The following TMEM248 variants were observed in gnomAD, a reference collection of about 807,000 sequenced individuals.
The protein encoded by TMEM248 is transmembrane protein 248.
A neutral mutation model predicts 30.3 loss-of-function variants in TMEM248; 9 were observed. The observed-to-expected ratio is 0.30, with a 90% CI of 0.18 to 0.52. The LOEUF (loss-of-function observed/expected upper bound fraction) is 0.52, where lower values mean the gene tolerates loss of function less well. TMEM248 is among the 20% of genes least tolerant of loss of function. The probability of loss-of-function intolerance (pLI) is 0.97; values close to 1 mark genes in which losing one functional copy is unlikely to be tolerated. For synonymous variants in TMEM248, 184 were observed against 154.4 expected (o/e 1.19, Z -1.42); for missense variants, 338 against 403.3 (o/e 0.84, Z 1.39).
At chr7:66,929,887 G>A (rs1465359306) in intron 1 of TMEM248, among the ~76,000 whole-genome samples, 6 of 152,134 alleles carry the variant, frequency 3.9e-5, no homozygotes, top group East Asian at 3.9e-4. Context: ...GGAGCTGGGC[G>A]CAGTGGCTCA....
intron 2 of TMEM248, among the ~76,000 whole-genome samples, chr7:66,942,692 C>T (rs1193539872): frequency 1.3e-5 from 2 of 152,032 alleles, no homozygotes; most frequent in Admixed American, 6.6e-5. Context: ...GACGGGGTTT[C>T]GCCACGTTGG....
At chr7:66,938,120 C>T (rs1304878805) in intron 1 of TMEM248, among the ~76,000 whole-genome samples, 4 of 152,020 alleles carry the variant, frequency 2.6e-5, no homozygotes, top group African/African-American at 7.2e-5. Context: ...TTCATTCAGC[C>T]ACTGTGTCTT....
At chr7:66,947,364 G>A (rs1177331710) in intron 3 of TMEM248, among the ~76,000 whole-genome samples, 1 of 152,042 alleles carries the variant, frequency 6.6e-6, no homozygotes, top group East Asian at 1.9e-4. Flanking sequence ...GTAGCAAGTG[G>A]ACCTGTTGCT....
chr7:66,945,132 G>A lies in TMEM248; in HGVS notation c.316G>A (p.Asp106Asn), dbSNP rs749958022. The A allele has an allele frequency of 6.2e-7, 1 of 1,614,216 alleles. No homozygotes were observed. Among genetic ancestry groups the A allele is most frequent in the Non-Finnish European group, 8.5e-7 (1 of 1,180,042 alleles). Reference sequence around the variant, plus strand: ...CACCCAGTCCCCCCAGGCCCTGGAGGACTCGGGCCCGGTGAATATCTCAGT... The same window carrying A: ...CACCCAGTCCCCCCAGGCCCTGGAGAACTCGGGCCCGGTGAATATCTCAGT... ...ASTQSPQALE[D>N]SGPVNISVSI... is the part of the protein sequence containing the mutation. The change falls in exon 3 of 7, where the codon GAC becomes AAC. Residue 106 changes from aspartate to asparagine, a missense_variant. Transcript: ENST00000341567.
At chr7:66,942,122 C>G in intron 2 of TMEM248, 98 bp downstream of exon 2, 4 of 1,307,852 alleles carry the variant, frequency 3.1e-6, no homozygotes, top group Non-Finnish European at 4.2e-6. Flanking sequence ...TTTGGCCTTT[C>G]TCTCCTAGTG....
At chr7:66,948,410 C>G in intron 3 of TMEM248, 134 bp from the exon 4 acceptor site, 1 of 1,082,992 alleles carries the variant, frequency 9.2e-7, no homozygotes, top group Non-Finnish European at 1.3e-6. Flanking sequence ...TCTTCTTCCT[C>G]AGATCCCACA....
At chr7:66,938,632 C>T (rs1233939203) in intron 1 of TMEM248, among the ~76,000 whole-genome samples, 2 of 152,196 alleles carry the variant, frequency 1.3e-5, no homozygotes, top group African/African-American at 4.8e-5. Context: ...TTCAGCCTCC[C>T]AACTAGCTGG....
chr7:66,940,837 C>T (rs959236670), intron 1 of TMEM248, among the ~76,000 whole-genome samples: 4 of 152,208 alleles, frequency 2.6e-5, no homozygotes, highest in African/African-American at 7.2e-5. Context: ...TTTTCAGTGG[C>T]AGGAAATGAG....
In TMEM248 at chr7:66,950,989, G is replaced by A. The variant is rs555146247; in HGVS notation, c.634G>A (p.Ala212Thr). ...CTGTGTTCCTGACACGTACAGCAACGCCACGCTCTGGTACAAGATCTTCAC... is the reference window on the plus strand; with the variant it reads ...CTGTGTTCCTGACACGTACAGCAACACCACGCTCTGGTACAAGATCTTCAC... ...PHCVPDTYSN[A>T]TLWYKIFTTA... The change falls in exon 5 of 7, where the codon GCC becomes ACC. Residue 212 changes from alanine to threonine, a missense_variant. Physicochemically the swap from Ala to Thr is moderately conservative, Grantham distance 58. Transcript: ENST00000341567. The A allele has an allele frequency of 1.1e-5, 18 of 1,609,122 alleles. No homozygotes were observed. The highest frequency in any genetic ancestry group is 8.5e-5 in the Admixed American group (5 of 58,772).
At chr7:66,923,502 C>T (rs1353702182) in intron 1 of TMEM248, among the ~76,000 whole-genome samples, 1 of 152,088 alleles carries the variant, frequency 6.6e-6, no homozygotes, top group African/African-American at 2.4e-5. Flanking sequence ...TTGGGCCATT[C>T]AGAATTAGCT....
At position 66,946,395 on chromosome 7, in the gene TMEM248, T is replaced by G. The variant is rs544405283; in HGVS notation, c.445+1134T>G. ...GAGTTCAAGACCAGTCTGGCCAACA[T>G]GGTGAAACCCCATCTCTACTAAAAA... On this transcript the variant is annotated intron_variant, in intron 3 of 6. Coordinates refer to ENST00000341567, the MANE Select transcript of TMEM248 (RefSeq NM_017994.5). 5.9e-4 allele frequency among the ~76,000 whole-genome samples: 89 copies of G among 151,990 alleles called. 1 individual carries two copies. In the Middle Eastern group the frequency reaches 0.017, roughly 29 times the overall value.
At chr7:66,924,263 A>G (rs1332869558) in intron 1 of TMEM248, among the ~76,000 whole-genome samples, 2 of 152,220 alleles carry the variant, frequency 1.3e-5, no homozygotes, top group African/African-American at 2.4e-5. Flanking sequence ...AATCTGGTCC[A>G]TGTCACAGAG....
At chr7:66,929,060 T>C (rs1791598057) in intron 1 of TMEM248, among the ~76,000 whole-genome samples, 1 of 152,148 alleles carries the variant, frequency 6.6e-6, no homozygotes, top group Non-Finnish European at 1.5e-5. Context: ...AGTGCTAGAA[T>C]TATGGGCAGG....
Position 66,941,970 on chromosome 7 carries a change from G to T in TMEM248, c.105G>T (p.Leu35=). The T allele has an allele frequency of 6.2e-7, 1 of 1,614,160 alleles. No individual in the cohort carries two copies. The highest frequency in any genetic ancestry group is 8.5e-7 in the Non-Finnish European group (1 of 1,180,034). ...TAAGCGCCATGGCCATAGCTTTCCT[G>T]ACCCTGGGCTACTTCTTCAAAATCA... is the stretch of plus-strand genomic sequence containing the variant. The part of the protein sequence containing the change: ...ISVSAMAIAF[L]TLGYFFKIKE... The change falls in exon 2 of 7, where the codon CTG becomes CTT. Residue 35 remains leucine, a synonymous_variant. Transcript: ENST00000341567.
chr7:66,928,397 A>G (rs1274226714), intron 1 of TMEM248, among the ~76,000 whole-genome samples: 1 of 151,844 alleles, frequency 6.6e-6, no homozygotes, highest in Non-Finnish European at 1.5e-5. Flanking sequence ...TGTGATTGAT[A>G]GCATGGCTTT....
chr7:66,928,087 C>T (rs943630129), intron 1 of TMEM248, among the ~76,000 whole-genome samples: 6 of 151,972 alleles, frequency 3.9e-5, no homozygotes, highest in African/African-American at 7.2e-5. Context: ...TGCTGGTGGG[C>T]GCCTGTAATC....
chr7:66,945,265 T>C lies in TMEM248; in HGVS notation c.445+4T>C. 6.2e-7 allele frequency: 1 copy of C among 1,610,412 alleles called. No homozygotes were observed. Among genetic ancestry groups the C allele is most frequent in the Non-Finnish European group, 8.5e-7 (1 of 1,176,790 alleles). ...GGGCATCAGATTGGACTTTCAGGTA[T>C]GCAGTAGCCACTCTCCACTCAGGCT... On this transcript the variant is annotated splice_donor_region_variant and intron_variant, in intron 3 of 6. Coordinates refer to ENST00000341567, the MANE Select transcript of TMEM248 (RefSeq NM_017994.5).
At chr7:66,955,204 A>C (rs1488450070) in intron 6 of TMEM248, among the ~76,000 whole-genome samples, 5 of 152,224 alleles carry the variant, frequency 3.3e-5, no homozygotes, top group Non-Finnish European at 5.9e-5. Flanking sequence ...TGGAAGCTGC[A>C]GTAACCTACG....
At position 66,945,050 on chromosome 7, in the gene TMEM248, C is replaced by T; in HGVS notation, c.234C>T (p.Leu78=). The part of the protein sequence containing the change: ...CVSENETLKH[L]TNDTTTPEST... ...CAGAGAATGAAACCCTCAAGCATCTCACAAACGACACCACAACTCCGGAAA... is the reference window on the plus strand; with the variant it reads ...CAGAGAATGAAACCCTCAAGCATCTTACAAACGACACCACAACTCCGGAAA... The change falls in exon 3 of 7, where the codon CTC becomes CTT. Residue 78 remains leucine (L), a synonymous_variant. Transcript: ENST00000341567. The T allele has an allele frequency of 6.2e-7, 1 of 1,614,242 alleles. No homozygotes were observed. The highest frequency in any genetic ancestry group is 8.5e-7 in the Non-Finnish European group (1 of 1,180,042).
Sources: gnomAD v4.1 joint callset for allele counts (sites outside exome capture counted in the v4.1 genomes callset) on GRCh38, gnomAD v4.1.1 for gene constraint, MANE v1.5 for transcripts, NCBI Gene and HGNC (gene_info 2026-07-23, HGNC 2026-07-21) for gene names.